Variants in TM7SF3 observed in about 807,000 individuals in gnomAD.
TM7SF3 encodes the protein seven span transmembrane protein.
A neutral mutation model predicts 65.5 loss-of-function variants in TM7SF3; 60 were observed. The observed-to-expected ratio is 0.92, with a 90% confidence interval of 0.74 to 1.14. The LOEUF is 1.14. TM7SF3 is among the 50% of genes most tolerant of loss of function. The probability of loss-of-function intolerance (pLI) is 0.00; values close to 1 mark genes in which losing one functional copy is unlikely to be tolerated. For synonymous variants in TM7SF3, 264 were observed against 259.6 expected, an observed-to-expected ratio of 1.02 and a Z score of -0.16; for missense variants, 623 against 684.8, an observed-to-expected ratio of 0.91 and a Z score of 1.01.
chr12:26,986,034 T>C (rs2136398963), intron 6 of TM7SF3, among the ~76,000 whole-genome samples: 1 of 151,564 alleles, frequency 6.6e-6, no homozygotes, highest in South Asian at 2.1e-4. Flanking sequence ...TTCACTGTGT[T>C]AGCCAGGATG....
At chr12:26,998,474 C>T (rs533578663) in intron 3 of TM7SF3, among the ~76,000 whole-genome samples, 3 of 152,264 alleles carry the variant, frequency 2.0e-5, no homozygotes, top group Admixed American at 1.3e-4. Flanking sequence ...TCACCTACTC[C>T]GTCCCACCTC....
chr12:26,992,545 A>G (rs1315913668), intron 5 of TM7SF3, among the ~76,000 whole-genome samples: 3 of 152,200 alleles, frequency 2.0e-5, no homozygotes, highest in Admixed American at 2.0e-4. Context: ...TGGCCTCCCA[A>G]AGTGCTGGGA....
intron 6 of TM7SF3, among the ~76,000 whole-genome samples, chr12:26,983,233 G>C (rs866065126): frequency 6.6e-6 from 1 of 150,682 alleles, no homozygotes; most frequent in South Asian, 2.1e-4. Context: ...CAGGGAGTGG[G>C]GGGGAGGTGG....
At chr12:26,985,818 T>TG (rs1940059121) in intron 6 of TM7SF3, among the ~76,000 whole-genome samples, 1 of 107,480 alleles carries the variant, frequency 9.3e-6, no homozygotes, top group Admixed American at 9.8e-5. Context: ...TTTTTTTTTT[T>TG]TTTTTTTTTT....
At chr12:26,980,328 T>G (rs1939762309) in intron 8 of TM7SF3, 1 of 546,564 alleles carries the variant, frequency 1.8e-6, no homozygotes, top group East Asian at 3.2e-5. Flanking sequence ...AACACAGGTC[T>G]ATAATCAATA....
rs982804565 is a variant in TM7SF3, at chr12:26,972,919, A to G, written c.*1046T>C. Among the ~76,000 whole-genome samples the G allele has an allele frequency of 6.6e-6, 1 of 152,132 alleles. No individual in the cohort carries two copies. The highest frequency in any genetic ancestry group is 1.5e-5 in the Non-Finnish European group (1 of 68,014). On this transcript the variant is annotated 3_prime_UTR_variant, in exon 12 of 12. Coordinates refer to ENST00000343028, the MANE Select transcript of TM7SF3 (RefSeq NM_016551.3). ...TCACCCTTATAAAATTCTATTATCT[A>G]TATAAATTGGCCTATTTTCAAATAA...
intron 3 of TM7SF3, among the ~76,000 whole-genome samples, chr12:26,998,961 C>T (rs1167758350): frequency 6.6e-6 from 1 of 152,234 alleles, no homozygotes; most frequent in Admixed American, 6.5e-5. Flanking sequence ...CTTAGAACAA[C>T]TAAACTGTTA....
In TM7SF3 at chr12:26,990,552, C is replaced by T. The variant is rs777588700; in HGVS notation, c.766G>A (p.Val256Ile). Residue 256 changes from valine (V) to isoleucine (I), a missense_variant, in exon 6 of 12, where the codon GTC (valine) becomes ATC (isoleucine). Physicochemically the swap from Val to Ile is conservative, Grantham distance 29. Coordinates refer to ENST00000343028, the MANE Select transcript of TM7SF3 (RefSeq NM_016551.3). ...SLPGQGVIYN[V>I]IVWDPFLNTS... ...TTTAGAAACGGGTCCCAAACAATGA[C>T]ATTGTATATGACACCTTGTCCCGGG... 1.2e-6 allele frequency: 2 copies of T among 1,614,072 alleles called. No homozygotes were observed. The highest frequency in any genetic ancestry group is 2.2e-5 in the South Asian group (2 of 91,072).
intron 7 of TM7SF3, among the ~76,000 whole-genome samples, chr12:26,982,456 C>A (rs1341493936): frequency 6.6e-6 from 1 of 152,208 alleles, no homozygotes; most frequent in Non-Finnish European, 1.5e-5. Flanking sequence ...GGATTACAGG[C>A]ATGAGCCACT....
chr12:27,011,011 C>T (rs1013441057), intron 1 of TM7SF3, among the ~76,000 whole-genome samples: 12 of 152,156 alleles, frequency 7.9e-5, no homozygotes, highest in African/African-American at 2.9e-4. Flanking sequence ...AAGAGAAATC[C>T]ATCATAGCCT....
chr12:27,000,754 C>T (rs1203237909), intron 2 of TM7SF3, among the ~76,000 whole-genome samples: 2 of 152,118 alleles, frequency 1.3e-5, no homozygotes, highest in Non-Finnish European at 2.9e-5. Flanking sequence ...CCACCGTGCC[C>T]GGCCCATAAA....
intron 5 of TM7SF3, among the ~76,000 whole-genome samples, chr12:26,994,433 ACCT>A (rs1197289325): frequency 1.3e-5 from 2 of 152,280 alleles, no homozygotes; most frequent in East Asian, 3.9e-4. Flanking sequence ...TGCAACCTCC[ACCT>A]CCTGGGTTCA....
intron 9 of TM7SF3, chr12:26,977,871 G>C (rs1372545909): frequency 3.6e-6 from 1 of 278,036 alleles, no homozygotes; most frequent in Non-Finnish European, 7.2e-6. Context: ...GGGAGGCCGA[G>C]GTGGGAGGAC....
At position 26,993,768 on chromosome 12, in the gene TM7SF3, G is replaced by A. The variant is rs1445486395; in HGVS notation, c.690+1469C>T. Among the ~76,000 whole-genome samples the A allele has an allele frequency of 4.6e-5, 7 of 152,200 alleles. No homozygotes were observed. The East Asian group carries it at 1.3e-3, about 29-fold the overall frequency. On this transcript the variant is annotated intron_variant, in intron 5 of 11. Coordinates refer to ENST00000343028, the MANE Select transcript of TM7SF3 (RefSeq NM_016551.3). Reference sequence around the variant, plus strand: ...TTATTTCTTCTACATATATTAGCCAGCACTCTTCTGCAAAGAGCTTTCTCT... The same window carrying A: ...TTATTTCTTCTACATATATTAGCCAACACTCTTCTGCAAAGAGCTTTCTCT...
rs546746192 is a variant in TM7SF3 at position 27,006,019 on chromosome 12, C to T, written c.92-2629G>A. Among the ~76,000 whole-genome samples the T allele has an allele frequency of 1.1e-4, 17 of 151,076 alleles. No homozygotes were observed. The East Asian group carries it at 2.9e-3, about 26-fold the overall frequency. On this transcript the variant is annotated intron_variant, in intron 1 of 11. Transcript: ENST00000343028. ...TTCACTATGTTGGCCAGGCTAGTCTCGAACTCCTGACCTCAAGCGATCCGC... is the reference window on the plus strand; with the variant it reads ...TTCACTATGTTGGCCAGGCTAGTCTTGAACTCCTGACCTCAAGCGATCCGC...
intron 6 of TM7SF3, 37 bp from the exon 7 acceptor site, chr12:26,982,896 A>C: frequency 7.1e-7 from 1 of 1,399,806 alleles, no homozygotes; most frequent in South Asian, 1.3e-5. Flanking sequence ...TAATACATCC[A>C]ATTTGATACT....
intron 4 of TM7SF3, among the ~76,000 whole-genome samples, chr12:26,995,749 T>C (rs1450820197): frequency 6.6e-6 from 1 of 152,188 alleles, no homozygotes; most frequent in African/African-American, 2.4e-5. Context: ...CTAGCCTTCT[T>C]TCTGTCATGT....
intron 6 of TM7SF3, among the ~76,000 whole-genome samples, chr12:26,987,119 TA>T (rs1206654015): frequency 6.6e-6 from 1 of 152,118 alleles, no homozygotes; most frequent in East Asian, 1.9e-4. Flanking sequence ...GCCTCCCCTT[TA>T]TAGATAACAC....
intron 5 of TM7SF3, among the ~76,000 whole-genome samples, chr12:26,993,150 C>T (rs1347372480): frequency 6.6e-6 from 1 of 152,036 alleles, no homozygotes; most frequent in Non-Finnish European, 1.5e-5. Context: ...AAGTGATCTG[C>T]CCTCCTTAGC....
Sources: allele counts gnomAD v4.1 joint callset (sites outside exome capture counted in the v4.1 genomes callset), GRCh38; gene constraint gnomAD v4.1.1; transcripts MANE v1.5; gene names NCBI Gene and HGNC (gene_info 2026-07-23, HGNC 2026-07-21).